PIK3C3: variants seen among roughly 807,000 people sequenced by gnomAD.
The protein encoded by PIK3C3 is phosphatidylinositol 3-kinase catalytic subunit type 3, also known as PI3-kinase type 3.
A neutral mutation model predicts 126.1 loss-of-function variants in PIK3C3; 95 were observed. The ratio of observed to expected loss-of-function variants is 0.75; its 90% CI spans 0.64 to 0.89. The LOEUF (loss-of-function observed/expected upper bound fraction) is 0.89. Among genes scored for constraint, PIK3C3 ranks in the 40% least tolerant of loss-of-function variants. The pLI, the probability that PIK3C3 is intolerant of heterozygous loss-of-function variation, is 0.00. For missense variants in PIK3C3, 829 were observed against 1,063.2 expected, an observed-to-expected ratio of 0.78 and a Z score of 3.06; for synonymous variants, 374 against 360.0, an observed-to-expected ratio of 1.04 and a Z score of -0.44.
At chr18:41,986,933 A>T (rs1026096538) in intron 4 of PIK3C3, among the ~76,000 whole-genome samples, 20 of 152,086 alleles carry the variant, frequency 1.3e-4, no homozygotes, top group African/African-American at 4.8e-4. Context: ...AAGAGAAAGA[A>T]GATTGATAGT....
chr18:42,017,363 A>T (rs556231137), intron 12 of PIK3C3, among the ~76,000 whole-genome samples: 1 of 152,242 alleles, frequency 6.6e-6, no homozygotes, highest in South Asian at 2.1e-4. Context: ...CAGAAACTCA[A>T]TTATTCCCCA....
chr18:41,981,595 A>T (rs886664916), intron 4 of PIK3C3, among the ~76,000 whole-genome samples: 9 of 152,150 alleles, frequency 5.9e-5, no homozygotes, highest in African/African-American at 2.2e-4. Context: ...CACGTACATG[A>T]TTCTTTTTCT....
chr18:42,045,187 ATATAT>A (rs1255712869), intron 20 of PIK3C3, among the ~76,000 whole-genome samples: 1 of 152,246 alleles, frequency 6.6e-6, no homozygotes, highest in African/African-American at 2.4e-5. Flanking sequence ...GAATATAAAC[ATATAT>A]TACATGTAAC....
At chr18:42,027,338 T>C in intron 13 of PIK3C3, 105 bp from the exon 14 acceptor site, 1 of 509,116 alleles carries the variant, frequency 2.0e-6, no homozygotes, top group Non-Finnish European at 3.4e-6. Context: ...ATTTTATTAT[T>C]TTTGCATATG....
At chr18:42,034,744 C>G (rs1486307677) in intron 16 of PIK3C3, among the ~76,000 whole-genome samples, 2 of 152,018 alleles carry the variant, frequency 1.3e-5, no homozygotes, top group African/African-American at 4.8e-5. Flanking sequence ...AGACATGGTG[C>G]TTTATGTTTT....
chr18:42,057,067 C>T (rs569487520), intron 21 of PIK3C3, among the ~76,000 whole-genome samples: 20 of 135,546 alleles, frequency 1.5e-4, no homozygotes, highest in Non-Finnish European at 2.5e-4. Context: ...AACCCCCCCC[C>T]CCGTGTTGAC....
At chr18:41,998,636 T>C (rs757630772) in intron 9 of PIK3C3, among the ~76,000 whole-genome samples, 4 of 152,184 alleles carry the variant, frequency 2.6e-5, no homozygotes, top group Non-Finnish European at 5.9e-5. Context: ...ACTAGTTGAT[T>C]TCAAGTTTTC....
chr18:41,995,052 C>T (rs571908882), intron 7 of PIK3C3, among the ~76,000 whole-genome samples: 1 of 152,062 alleles, frequency 6.6e-6, no homozygotes, highest in African/African-American at 2.4e-5. Context: ...AAAGAAACCA[C>T]ACTAGTATTT....
chr18:42,010,378 G>C (rs1282017839), intron 10 of PIK3C3, among the ~76,000 whole-genome samples: 1 of 151,880 alleles, frequency 6.6e-6, no homozygotes, highest in Non-Finnish European at 1.5e-5. Flanking sequence ...CTTTTTTGTT[G>C]TTGTTGAGAT....
At chr18:42,007,621 A>G (rs1206068268) in intron 10 of PIK3C3, among the ~76,000 whole-genome samples, 1 of 152,176 alleles carries the variant, frequency 6.6e-6, no homozygotes, top group African/African-American at 2.4e-5. Flanking sequence ...ATTATAAACT[A>G]GCCTACCCCA....
At chr18:42,080,894 C>T (rs554941851) in intron 24 of PIK3C3, among the ~76,000 whole-genome samples, 1 of 152,240 alleles carries the variant, frequency 6.6e-6, no homozygotes, top group East Asian at 1.9e-4. Context: ...AGCTTACAGT[C>T]AGCAGACACC....
chr18:42,002,716 C>A (rs993448983), intron 9 of PIK3C3, among the ~76,000 whole-genome samples: 1 of 152,124 alleles, frequency 6.6e-6, no homozygotes, highest in African/African-American at 2.4e-5. Flanking sequence ...GAAATTTGTG[C>A]TAAGATCACT....
chr18:41,959,570 G>A (rs1979973240), intron 2 of PIK3C3, among the ~76,000 whole-genome samples: 1 of 152,068 alleles, frequency 6.6e-6, no homozygotes, highest in South Asian at 2.1e-4. Context: ...ATACTGTACA[G>A]GTGGATCACT....
intron 16 of PIK3C3, among the ~76,000 whole-genome samples, chr18:42,035,277 C>A (rs1284267477): frequency 1.3e-5 from 2 of 151,996 alleles, no homozygotes; most frequent in Non-Finnish European, 2.9e-5. Context: ...CCAAAGAAGA[C>A]CAGCTTCTAA....
chr18:42,077,929 G>A (rs1436892379), intron 24 of PIK3C3, among the ~76,000 whole-genome samples: 1 of 152,124 alleles, frequency 6.6e-6, no homozygotes, highest in Non-Finnish European at 1.5e-5. Flanking sequence ...CATGATCCAT[G>A]GGCTGTAGAA....
chr18:42,007,531 C>G (rs574305655), intron 10 of PIK3C3, among the ~76,000 whole-genome samples: 3 of 152,054 alleles, frequency 2.0e-5, no homozygotes, highest in Non-Finnish European at 4.4e-5. Flanking sequence ...ATTTTTTATT[C>G]ACTCACTTAT....
intron 10 of PIK3C3, among the ~76,000 whole-genome samples, chr18:42,005,062 C>T (rs1022337101): frequency 6.6e-6 from 1 of 152,154 alleles, no homozygotes; most frequent in Non-Finnish European, 1.5e-5. Context: ...GGTTTTGGAT[C>T]CTTGGAAAGC....
intron 10 of PIK3C3, among the ~76,000 whole-genome samples, chr18:42,006,860 C>CTT (rs71265065): frequency 0.013 from 1,291 of 102,264 alleles, 52 homozygotes; most frequent in African/African-American, 0.034. Flanking sequence ...AAATCATATT[C>CTT]TTTTTTTTTT....
intron 21 of PIK3C3, chr18:42,050,076 C>T (rs1249261649): frequency 2.0e-5 from 3 of 152,464 alleles, no homozygotes; most frequent in Admixed American, 1.3e-4. Context: ...AGGGAAAGTC[C>T]TTTCCCTTTT....
Sources: allele counts gnomAD v4.1 joint callset (sites outside exome capture counted in the v4.1 genomes callset), GRCh38; gene constraint gnomAD v4.1.1; transcripts MANE v1.5; gene names NCBI Gene and HGNC (gene_info 2026-07-23, HGNC 2026-07-21).